The following SGPP2 variants were observed in gnomAD, a reference collection of about 807,000 sequenced individuals.
The protein encoded by SGPP2 is sphingosine-1-phosphate phosphatase 2.
SGPP2 carries 30 observed loss-of-function variants against 33.9 expected under a neutral mutation model. That is an observed-to-expected ratio of 0.89 (90% CI 0.66 to 1.20). The LOEUF (loss-of-function observed/expected upper bound fraction) is 1.20, where lower values mean the gene tolerates loss of function less well. Among genes scored for constraint, SGPP2 ranks in the 50% most tolerant of loss-of-function variants. The pLI is 0.00. For synonymous variants in SGPP2, 233 were observed against 225.0 expected (o/e 1.04, Z -0.32); for missense variants, 458 against 532.1 (o/e 0.86, Z 1.37).
At chr2:222,516,355 A>G (rs1192439402) in intron 2 of SGPP2, among the ~76,000 whole-genome samples, 1 of 152,188 alleles carries the variant, frequency 6.6e-6, no homozygotes, top group Non-Finnish European at 1.5e-5. Flanking sequence ...ATATGTCAAT[A>G]GTTTATTCAT....
rs898338250 is a variant in SGPP2 at position 222,476,953 on chromosome 2, AT to A, written c.378+2228del. Reference sequence around the variant, plus strand: ...GGAGTATATAGGTGTGTATGTATGTATGTATAGTGTGTATATGTGTATATAT... The same window carrying A: ...GGAGTATATAGGTGTGTATGTATGTAGTATAGTGTGTATATGTGTATATAT... On this transcript the variant is annotated intron_variant, in intron 2 of 4. Coordinates refer to ENST00000321276, the MANE Select transcript of SGPP2 (RefSeq NM_152386.4). This position sits in a 1 kb window ranked among gnomAD's most constrained non-coding sequence, Gnocchi z 4.3. 4.6e-5 allele frequency among the ~76,000 whole-genome samples: 7 copies of A among 151,198 alleles called. No homozygotes were observed. The highest frequency in any genetic ancestry group is 7.4e-5 in the Non-Finnish European group (5 of 67,830).
At chr2:222,533,882 C>T (rs145992561) in intron 4 of SGPP2, among the ~76,000 whole-genome samples, 256 of 152,018 alleles carry the variant, frequency 1.7e-3, no homozygotes, top group African/African-American at 5.7e-3. Context: ...ATAATAAGTC[C>T]GTGGCTGCAT....
intron 4 of SGPP2, among the ~76,000 whole-genome samples, chr2:222,536,670 A>G (rs1301562516): frequency 6.6e-6 from 1 of 152,042 alleles, no homozygotes; most frequent in Non-Finnish European, 1.5e-5. Context: ...ATAGAGCAAG[A>G]CTCTGTCTCC....
In SGPP2 at chr2:222,453,034, C is replaced by T; in HGVS notation, c.220-21534C>T. ...CTGGTCTTCTGTTTCTTGACTGGGACCTTGTCTTCCTTCTTTTGTGGCGCT... is the reference window on the plus strand; with the variant it reads ...CTGGTCTTCTGTTTCTTGACTGGGATCTTGTCTTCCTTCTTTTGTGGCGCT... On this transcript the variant is annotated intron_variant, in intron 1 of 4. Transcript: ENST00000321276. The T allele has an allele frequency of 1.9e-6, 3 of 1,544,058 alleles. No individual in the cohort carries two copies. The South Asian group carries it at 3.3e-5, about 17-fold the overall frequency.
intron 1 of SGPP2, among the ~76,000 whole-genome samples, chr2:222,429,890 A>T (rs2106055025): frequency 6.6e-6 from 1 of 152,342 alleles, no homozygotes; most frequent in Middle Eastern, 3.4e-3. Flanking sequence ...CACCAATGTT[A>T]GGTGTTAAAC....
chr2:222,532,364 G>T (rs1698851750), intron 4 of SGPP2, among the ~76,000 whole-genome samples: 1 of 152,188 alleles, frequency 6.6e-6, no homozygotes, highest in African/African-American at 2.4e-5. Context: ...TTCAAGGAGA[G>T]AAATAATTTG....
chr2:222,545,283 C>CTT lies in SGPP2; in HGVS notation c.649-13049_649-13048dup, dbSNP rs544252205. Among the ~76,000 whole-genome samples the CTT allele has an allele frequency of 1.5e-3, 206 of 135,982 alleles. 1 individual carries two copies. Among genetic ancestry groups the CTT allele is most frequent in the African/African-American group, 4.1e-3 (155 of 37,418 alleles). The allele number at this position is 135,982 out of a possible 152,430, so 89.2% of individuals were successfully genotyped here. Reference sequence around the variant, plus strand: ...TACATGGGTTTCAAAGAGCTTATGGCTTTTTTTTTTTTTTTTGAGACAGGG... The same window carrying CTT: ...TACATGGGTTTCAAAGAGCTTATGGCTTTTTTTTTTTTTTTTTTGAGACAGGG... On this transcript the variant is annotated intron_variant, in intron 4 of 4. Coordinates refer to ENST00000321276, the MANE Select transcript of SGPP2 (RefSeq NM_152386.4).
rs1689533536 is a variant in SGPP2, at chr2:222,561,275, G to A, written c.*2377G>A. ...TCAGGGGAAGGGCCTTAGCTTACAGGTACTCCCAGCCTTCATCTGCCCCTG... is the reference window on the plus strand; with the variant it reads ...TCAGGGGAAGGGCCTTAGCTTACAGATACTCCCAGCCTTCATCTGCCCCTG... On this transcript the variant is annotated 3_prime_UTR_variant, in exon 5 of 5. Transcript: ENST00000321276. Among the ~76,000 whole-genome samples, 1 of 151,968 alleles carries A rather than the reference G, an allele frequency of 6.6e-6. No individual in the cohort carries two copies. The highest frequency in any genetic ancestry group is 1.5e-5 in the Non-Finnish European group (1 of 67,994).
At chr2:222,514,047 T>C (rs957402796) in intron 2 of SGPP2, among the ~76,000 whole-genome samples, 10 of 152,350 alleles carry the variant, frequency 6.6e-5, no homozygotes, top group Admixed American at 6.5e-4. Flanking sequence ...GTAATATTCC[T>C]TTTACTTTCT....
At chr2:222,504,698 T>C (rs1468475860) in intron 2 of SGPP2, 1 of 152,212 alleles carries the variant, frequency 6.6e-6, no homozygotes, top group African/African-American at 2.4e-5. Context: ...GAACTTGCCA[T>C]GGGTAGAATC....
intron 4 of SGPP2, among the ~76,000 whole-genome samples, chr2:222,549,367 G>A (rs1689253655): frequency 6.6e-6 from 1 of 152,260 alleles, no homozygotes; most frequent in South Asian, 2.1e-4. Flanking sequence ...GGAATGTGAT[G>A]TAGGGTCAGA....
intron 4 of SGPP2, among the ~76,000 whole-genome samples, chr2:222,554,833 T>C (rs1188502608): frequency 1.3e-5 from 2 of 152,204 alleles, no homozygotes; most frequent in African/African-American, 4.8e-5. Flanking sequence ...AGTTTTTCTT[T>C]ACGTGTCTGA....
chr2:222,467,417 C>T (rs1697763084), intron 1 of SGPP2, among the ~76,000 whole-genome samples: 1 of 152,176 alleles, frequency 6.6e-6, no homozygotes. Flanking sequence ...TTGTTTCATC[C>T]TCCCAAGGTC....
chr2:222,453,348 G>T (rs1323870815), intron 1 of SGPP2, among the ~76,000 whole-genome samples: 1 of 152,184 alleles, frequency 6.6e-6, no homozygotes, highest in African/African-American at 2.4e-5. Flanking sequence ...CTGGAAAAAA[G>T]GCTAAGGCAG....
intron 1 of SGPP2, chr2:222,452,428 G>T: frequency 2.6e-6 from 2 of 775,748 alleles, no homozygotes; most frequent in South Asian, 1.3e-5. Flanking sequence ...TATGTTCATG[G>T]AGTAGTTTAG....
chr2:222,478,795 T>C (rs1033107830), intron 2 of SGPP2, among the ~76,000 whole-genome samples: 1 of 110,234 alleles, frequency 9.1e-6, no homozygotes, highest in Non-Finnish European at 1.7e-5. Flanking sequence ...GCAGAATTTA[T>C]GGTTGTTATC....
At position 222,561,359 on chromosome 2, in the gene SGPP2, C is replaced by T. The variant is rs911139290; in HGVS notation, c.*2461C>T. On this transcript the variant is annotated 3_prime_UTR_variant, in exon 5 of 5. Coordinates refer to ENST00000321276, the MANE Select transcript of SGPP2 (RefSeq NM_152386.4). ...TTCTGTATTTTCATCCACACAGCTG[C>T]CCAGCCAGAGTTCGCAACACTGGAT... Among the ~76,000 whole-genome samples the T allele has an allele frequency of 1.8e-4, 28 of 152,066 alleles. No homozygotes were observed. Among genetic ancestry groups the T allele is most frequent in the African/African-American group, 6.5e-4 (27 of 41,490 alleles).
chr2:222,470,535 A>C (rs1431850283), intron 1 of SGPP2, among the ~76,000 whole-genome samples: 1 of 152,210 alleles, frequency 6.6e-6, no homozygotes, highest in Non-Finnish European at 1.5e-5. Context: ...GATTGTAATA[A>C]AGCCTGTCTA....
At position 222,559,066 on chromosome 2, in the gene SGPP2, C is replaced by A; in HGVS notation, c.*168C>A. 2 of 656,048 alleles carry A rather than the reference C, an allele frequency of 3.0e-6. No individual in the cohort carries two copies. The highest frequency in any genetic ancestry group is 4.1e-5 in the South Asian group (2 of 48,544). 40.6% of individuals were successfully genotyped at this position (656,048 alleles called of 1,614,324 possible). A position where few individuals can be genotyped will look rare whatever the true frequency, so the allele number is the denominator to read the frequency against. The stretch of plus-strand genomic sequence containing the variant: ...GCTGCTGTGTGAAAGGAAGAACTGT[C>A]TCATAGCGGTCATTGGTCGTCCGTG... On this transcript the variant is annotated 3_prime_UTR_variant, in exon 5 of 5. Transcript: ENST00000321276.
Sources: allele counts gnomAD v4.1 joint callset (sites outside exome capture counted in the v4.1 genomes callset), GRCh38; gene constraint gnomAD v4.1.1; non-coding constraint Gnocchi (gnomAD v3.1); transcripts MANE v1.5; gene names NCBI Gene and HGNC (gene_info 2026-07-23, HGNC 2026-07-21).